The following MGMT variants were observed in gnomAD, a reference collection of about 807,000 sequenced individuals.
The protein encoded by MGMT is O-6-methylguanine-DNA methyltransferase.
MGMT carries 14 observed loss-of-function variants against 15.9 expected under a neutral mutation model. That is an observed-to-expected ratio of 0.88 (90% CI 0.58 to 1.37). MGMT has a LOEUF of 1.37. Among genes scored for constraint, MGMT ranks in the 40% most tolerant of loss-of-function variants. The pLI, the probability that MGMT is intolerant of heterozygous loss-of-function variation, is 0.00. For synonymous variants in MGMT, 130 were observed against 118.2 expected (o/e 1.10, Z -0.65); for missense variants, 282 against 268.1 (o/e 1.05, Z -0.36).
intron 3 of MGMT, among the ~76,000 whole-genome samples, chr10:129,725,701 G>T (rs1848426204): frequency 6.6e-6 from 1 of 152,230 alleles, no homozygotes; most frequent in Non-Finnish European, 1.5e-5. Context: ...GGATGCAGAT[G>T]CCCAGATTGG....
chr10:129,643,403 A>T (rs1458780954), intron 2 of MGMT, among the ~76,000 whole-genome samples: 1 of 152,230 alleles, frequency 6.6e-6, no homozygotes, highest in African/African-American at 2.4e-5. Flanking sequence ...TTGATGTGCC[A>T]GTAACTCCCT....
intron 2 of MGMT, among the ~76,000 whole-genome samples, chr10:129,646,318 A>G (rs889277939): frequency 2.2e-4 from 33 of 152,260 alleles, no homozygotes; most frequent in Admixed American, 7.8e-4. Flanking sequence ...ACGTTGGCCT[A>G]TGAAGGAAGA....
intron 2 of MGMT, among the ~76,000 whole-genome samples, chr10:129,602,956 CAA>C (rs1442832378): frequency 2.6e-5 from 4 of 152,144 alleles, no homozygotes; most frequent in Non-Finnish European, 5.9e-5. Flanking sequence ...ACAAAGCAAA[CAA>C]AGAGGTCATT....
chr10:129,708,254 C>T (rs907831577), intron 3 of MGMT, among the ~76,000 whole-genome samples: 5 of 152,196 alleles, frequency 3.3e-5, no homozygotes, highest in Non-Finnish European at 5.9e-5. Context: ...TTGCATAATT[C>T]TTGGCAAAGG....
chr10:129,754,977 G>C lies in MGMT; in HGVS notation c.275-4225G>C, dbSNP rs1316443558. ...AGCTGTGCCAGGCTTTGCCTCCAGG[G>C]CTCAGGCTGTAGTAAGTTCGGGCTG... On this transcript the variant is annotated intron_variant, in intron 3 of 4. Coordinates refer to ENST00000651593, the MANE Select transcript of MGMT (RefSeq NM_002412.5). Among the ~76,000 whole-genome samples the C allele has an allele frequency of 2.0e-5, 3 of 152,224 alleles. No homozygotes were observed. In the East Asian group the frequency reaches 5.8e-4, roughly 29 times the overall value.
intron 1 of MGMT, among the ~76,000 whole-genome samples, chr10:129,481,421 G>A (rs1196469843): frequency 6.6e-6 from 1 of 152,156 alleles, no homozygotes; most frequent in East Asian, 1.9e-4. Context: ...CAGCATTCCT[G>A]GAGTGTCTGT....
chr10:129,720,166 G>A (rs576692966), intron 3 of MGMT, among the ~76,000 whole-genome samples: 1 of 152,304 alleles, frequency 6.6e-6, no homozygotes, highest in Non-Finnish European at 1.5e-5. Context: ...CACATGAAAT[G>A]AATGGAGCCA....
At chr10:129,658,959 G>T (rs1173418360) in intron 2 of MGMT, among the ~76,000 whole-genome samples, 1 of 152,128 alleles carries the variant, frequency 6.6e-6, no homozygotes, top group Non-Finnish European at 1.5e-5. Flanking sequence ...TCCATCTGTG[G>T]CATAGGTACC....
At chr10:129,682,293 A>G (rs989299316) in intron 2 of MGMT, among the ~76,000 whole-genome samples, 1 of 152,268 alleles carries the variant, frequency 6.6e-6, no homozygotes, top group Admixed American at 6.5e-5. Flanking sequence ...TATCCATACA[A>G]TGGAATACTT....
chr10:129,673,826 G>A (rs943176144), intron 2 of MGMT, among the ~76,000 whole-genome samples: 6 of 152,164 alleles, frequency 3.9e-5, no homozygotes, highest in African/African-American at 1.4e-4. Flanking sequence ...TATGACTTTT[G>A]TTAATATCTC....
At chr10:129,736,971 T>C (rs1292544799) in intron 3 of MGMT, among the ~76,000 whole-genome samples, 1 of 152,200 alleles carries the variant, frequency 6.6e-6, no homozygotes, top group Admixed American at 6.5e-5. Flanking sequence ...AACCCGACCT[T>C]TCTCTCTGGC....
chr10:129,581,203 G>A (rs1307144120), intron 2 of MGMT, among the ~76,000 whole-genome samples: 1 of 152,312 alleles, frequency 6.6e-6, no homozygotes, highest in Non-Finnish European at 1.5e-5. Context: ...TTGGTAGCCT[G>A]GCATTGTGGT....
chr10:129,491,490 T>C (rs1168017287), intron 1 of MGMT, among the ~76,000 whole-genome samples: 1 of 152,216 alleles, frequency 6.6e-6, no homozygotes, highest in Non-Finnish European at 1.5e-5. Context: ...CTCTGTCATC[T>C]ATTGGCAAAT....
intron 3 of MGMT, among the ~76,000 whole-genome samples, chr10:129,735,702 C>CTA (rs1848552321): frequency 9.5e-6 from 1 of 105,360 alleles, no homozygotes; most frequent in African/African-American, 3.8e-5. Flanking sequence ...GCATTTAGTG[C>CTA]TATAAATTTC....
intron 1 of MGMT, among the ~76,000 whole-genome samples, chr10:129,477,368 G>A (rs1206215987): frequency 6.6e-6 from 1 of 152,158 alleles, no homozygotes; most frequent in Non-Finnish European, 1.5e-5. Flanking sequence ...TCTACTGGAT[G>A]GAAGGCCCAG....
At chr10:129,546,644 G>A (rs1370183516) in intron 2 of MGMT, among the ~76,000 whole-genome samples, 2 of 152,186 alleles carry the variant, frequency 1.3e-5, no homozygotes, top group Admixed American at 6.5e-5. Flanking sequence ...GGAGCCAGGA[G>A]GCTGGAAGGA....
intron 2 of MGMT, among the ~76,000 whole-genome samples, chr10:129,678,706 A>G (rs559119139): frequency 6.6e-6 from 1 of 152,270 alleles, no homozygotes; most frequent in East Asian, 1.9e-4. Context: ...TTTTAATGAC[A>G]CAGGATCCAC....
chr10:129,738,651 A>G lies in MGMT; in HGVS notation c.275-20551A>G, dbSNP rs533680390. ...TGGTTCCAAGTCTTTGCTATTGTGA[A>G]TAGTGCCGCAGTAAACATACATGTG... is the stretch of plus-strand genomic sequence containing the variant. On this transcript the variant is annotated intron_variant, in intron 3 of 4. Transcript: ENST00000651593. Among the ~76,000 whole-genome samples the G allele has an allele frequency of 7.9e-5, 12 of 152,326 alleles. No individual in the cohort carries two copies. In the East Asian group the frequency reaches 2.3e-3, roughly 29 times the overall value.
At chr10:129,606,225 T>A (rs1846889051) in intron 2 of MGMT, among the ~76,000 whole-genome samples, 1 of 152,214 alleles carries the variant, frequency 6.6e-6, no homozygotes, top group Non-Finnish European at 1.5e-5. Context: ...CATTGTGGGA[T>A]TAGGAGGGCA....
Sources: gnomAD v4.1 joint callset for allele counts (sites outside exome capture counted in the v4.1 genomes callset) on GRCh38, gnomAD v4.1.1 for gene constraint, MANE v1.5 for transcripts, NCBI Gene and HGNC (gene_info 2026-07-23, HGNC 2026-07-21) for gene names.